Variants in PDE4D observed in about 807,000 individuals in gnomAD.
The protein encoded by PDE4D is 3',5'-cyclic-AMP phosphodiesterase 4D.
A neutral mutation model predicts 87.4 loss-of-function variants in PDE4D; 24 were observed. The observed-to-expected ratio is 0.27, with a 90% confidence interval of 0.20 to 0.39. The LOEUF (loss-of-function observed/expected upper bound fraction) is 0.39. Among genes scored for constraint, PDE4D ranks in the 10% least tolerant of loss-of-function variants. The probability of loss-of-function intolerance (pLI) is 1.00; values close to 1 mark genes in which losing one functional copy is unlikely to be tolerated. For synonymous variants in PDE4D, 384 were observed against 383.2 expected (o/e 1.00, Z -0.02); for missense variants, 714 against 1,041.0 (o/e 0.69, Z 4.32).
rs377277126 is a variant in PDE4D at position 59,240,255 on chromosome 5, AGAG to A, written c.456-24290_456-24288del. 2.0e-5 allele frequency among the ~76,000 whole-genome samples: 3 copies of A among 152,300 alleles called. No individual in the cohort carries two copies. In the East Asian group the frequency reaches 5.8e-4, roughly 29 times the overall value. On this transcript the variant is annotated intron_variant, in intron 1 of 14. Coordinates refer to ENST00000340635, the MANE Select transcript of PDE4D (RefSeq NM_001104631.2). ...TATTTTATGTGACAGTGACTTTGTC[AGAG>A]GAGAGAAAGGATGTGACTTTAACCC...
intron 2 of PDE4D, among the ~76,000 whole-genome samples, chr5:60,059,038 A>ATGTGTGTGTG (rs1413944284): frequency 2.0e-5 from 1 of 49,296 alleles, no homozygotes; most frequent in East Asian, 1.4e-3. Context: ...TGGCATTGTC[A>ATGTGTGTGTG]TATGTGTGTG....
intron 5 of PDE4D, among the ~76,000 whole-genome samples, chr5:59,103,503 G>T (rs1040491533): frequency 6.9e-6 from 1 of 144,476 alleles, no homozygotes; most frequent in African/African-American, 2.6e-5. Context: ...AAAAAAAAAA[G>T]ATTTGACAAT....
chr5:59,336,405 A>G (rs1393651726), intron 1 of PDE4D, among the ~76,000 whole-genome samples: 1 of 152,168 alleles, frequency 6.6e-6, no homozygotes, highest in Non-Finnish European at 1.5e-5. Flanking sequence ...ATTGATGACT[A>G]TTATTATATT....
intron 1 of PDE4D, among the ~76,000 whole-genome samples, chr5:59,402,698 A>G (rs258111): frequency 0.46 from 70,064 of 151,946 alleles, 17,069 homozygotes; most frequent in African/African-American, 0.62. Flanking sequence ...ACTAACCCAC[A>G]CACCCCAAAT....
chr5:60,078,137 C>G (rs114176688), intron 2 of PDE4D, among the ~76,000 whole-genome samples: 176 of 152,286 alleles, frequency 1.2e-3, no homozygotes, highest in Non-Finnish European at 1.6e-3. Flanking sequence ...AGTCCAGAGA[C>G]TTACCAGCTT....
chr5:59,186,242 T>C (rs1742885160), intron 3 of PDE4D, among the ~76,000 whole-genome samples: 1 of 152,188 alleles, frequency 6.6e-6, no homozygotes, highest in South Asian at 2.1e-4. Context: ...GTAGTAAATG[T>C]GTGAACTTGG....
At chr5:59,972,155 G>C (rs1397446819) in intron 3 of PDE4D, among the ~76,000 whole-genome samples, 1 of 152,170 alleles carries the variant, frequency 6.6e-6, no homozygotes, top group Non-Finnish European at 1.5e-5. Flanking sequence ...ACATCAGATT[G>C]ACTACATTGA....
At chr5:59,020,308 C>A (rs892644428) in intron 6 of PDE4D, among the ~76,000 whole-genome samples, 8 of 151,216 alleles carry the variant, frequency 5.3e-5, no homozygotes, top group Admixed American at 1.3e-4. Flanking sequence ...AACCCCATCT[C>A]TACTAAAAAC....
chr5:59,221,226 A>AT (rs1752488181), intron 1 of PDE4D, among the ~76,000 whole-genome samples: 1 of 152,154 alleles, frequency 6.6e-6, no homozygotes, highest in Non-Finnish European at 1.5e-5. Context: ...ATGAAGTTTC[A>AT]TTTAAAAAAA....
chr5:59,000,791 C>T (rs1447541826), intron 6 of PDE4D, among the ~76,000 whole-genome samples: 2 of 152,040 alleles, frequency 1.3e-5, no homozygotes, highest in Admixed American at 6.6e-5. Flanking sequence ...CGGGTTCAAG[C>T]GATTCTCCTG....
chr5:60,381,629 G>A (rs1355308018), intron 1 of PDE4D, among the ~76,000 whole-genome samples: 4 of 152,186 alleles, frequency 2.6e-5, no homozygotes, highest in African/African-American at 9.6e-5. Flanking sequence ...ATACGGGAAA[G>A]TCAGAAGGAA....
At chr5:58,988,251 G>A (rs1186790720) in intron 11 of PDE4D, among the ~76,000 whole-genome samples, 1 of 151,852 alleles carries the variant, frequency 6.6e-6, no homozygotes, top group Non-Finnish European at 1.5e-5. Context: ...CCCTTGTCTA[G>A]TAACACAGCA....
At chr5:59,739,356 G>A (rs911339071) in intron 1 of PDE4D, among the ~76,000 whole-genome samples, 1 of 152,054 alleles carries the variant, frequency 6.6e-6, no homozygotes, top group Non-Finnish European at 1.5e-5. Flanking sequence ...AAAGGCAGAG[G>A]TTGCAATGAG....
chr5:60,158,160 T>G (rs1782153533), intron 2 of PDE4D, among the ~76,000 whole-genome samples: 1 of 152,140 alleles, frequency 6.6e-6, no homozygotes, highest in Admixed American at 6.5e-5. Context: ...TTCTAAGATA[T>G]CCATCATAAG....
chr5:60,322,225 T>TA (rs1156782654), intron 1 of PDE4D, among the ~76,000 whole-genome samples: 1 of 152,052 alleles, frequency 6.6e-6, no homozygotes, highest in Non-Finnish European at 1.5e-5. Context: ...TATGCAGCCA[T>TA]AAAAAATGAG....
At chr5:59,658,971 C>A (rs1744811247) in intron 1 of PDE4D, among the ~76,000 whole-genome samples, 1 of 152,044 alleles carries the variant, frequency 6.6e-6, no homozygotes, top group Admixed American at 6.6e-5. Flanking sequence ...CCACTGCACT[C>A]CAGTCTGGGC....
At chr5:59,000,635 G>A (rs1750322844) in intron 6 of PDE4D, among the ~76,000 whole-genome samples, 1 of 152,150 alleles carries the variant, frequency 6.6e-6, no homozygotes, top group Non-Finnish European at 1.5e-5. Context: ...GTATGCATAA[G>A]GAATGCAGTG....
At chr5:59,508,825 T>C (rs1034324803) in intron 1 of PDE4D, among the ~76,000 whole-genome samples, 5 of 151,974 alleles carry the variant, frequency 3.3e-5, no homozygotes, top group Admixed American at 2.0e-4. Context: ...AACAACAAAT[T>C]AGACTCTACT....
At chr5:60,417,755 T>C (rs942191172) in intron 1 of PDE4D, among the ~76,000 whole-genome samples, 1 of 152,190 alleles carries the variant, frequency 6.6e-6, no homozygotes, top group African/African-American at 2.4e-5. Context: ...TTTTGAGTGT[T>C]GATTCCACAA....
Sources: allele counts gnomAD v4.1 joint callset (sites outside exome capture counted in the v4.1 genomes callset), GRCh38; gene constraint gnomAD v4.1.1; transcripts MANE v1.5; gene names NCBI Gene and HGNC (gene_info 2026-07-23, HGNC 2026-07-21).